Variants in CCDC186 observed in about 807,000 individuals in gnomAD.
CCDC186 encodes the protein coiled-coil domain-containing protein 186.
In CCDC186, 49 loss-of-function variants were observed where a neutral mutation model predicts 113.7. That is an observed-to-expected ratio of 0.43 (90% CI 0.34 to 0.55). The LOEUF is 0.55. Among genes scored for constraint, CCDC186 ranks in the 20% least tolerant of loss-of-function variants. The pLI is 0.02. For missense variants in CCDC186, 890 were observed against 1,011.1 expected, an observed-to-expected ratio of 0.88 and a Z score of 1.62; for synonymous variants, 355 against 345.8, an observed-to-expected ratio of 1.03 and a Z score of -0.30.
intron 1 of CCDC186, 65 bp from the exon 2 acceptor site, chr10:114,163,394 C>T: frequency 7.7e-7 from 1 of 1,304,390 alleles, no homozygotes; most frequent in Non-Finnish European, 1.0e-6. Flanking sequence ...AACTTGCACA[C>T]ACTCTGTGAT....
intron 7 of CCDC186, 63 bp from the exon 8 acceptor site, chr10:114,136,309 ATACT>A (rs2031260093): frequency 8.8e-6 from 10 of 1,136,946 alleles, no homozygotes; most frequent in African/African-American, 3.1e-5. Context: ...TGCCCTGAGA[ATACT>A]CGTCTCTAAT....
intron 13 of CCDC186, 88 bp downstream of exon 13, chr10:114,129,803 T>A (rs1388102084): frequency 2.6e-6 from 3 of 1,141,476 alleles, no homozygotes; most frequent in Non-Finnish European, 3.9e-6. Flanking sequence ...GTGCTGGGAT[T>A]ACAGGTGTGA....
At chr10:114,170,647 G>A (rs2032466185) in intron 1 of CCDC186, among the ~76,000 whole-genome samples, 1 of 152,140 alleles carries the variant, frequency 6.6e-6, no homozygotes, top group East Asian at 1.9e-4. Context: ...AATATACTGA[G>A]TTTAAGTGAA....
chr10:114,148,193 C>A (rs181765385), intron 4 of CCDC186, among the ~76,000 whole-genome samples: 1 of 152,112 alleles, frequency 6.6e-6, no homozygotes, highest in African/African-American at 2.4e-5. Context: ...CACCAGATAA[C>A]GGCTCTGTTA....
intron 4 of CCDC186, among the ~76,000 whole-genome samples, chr10:114,149,139 A>T (rs905463142): frequency 6.6e-6 from 1 of 152,174 alleles, no homozygotes; most frequent in African/African-American, 2.4e-5. Flanking sequence ...AATAATATCC[A>T]CTTCTTAGGG....
intron 10 of CCDC186, among the ~76,000 whole-genome samples, chr10:114,133,668 T>C (rs1425027582): frequency 6.6e-6 from 1 of 152,170 alleles, no homozygotes; most frequent in East Asian, 1.9e-4. Context: ...GAAAGACAAC[T>C]GAATTCGACA....
chr10:114,140,443 G>A (rs1264732387), intron 6 of CCDC186, among the ~76,000 whole-genome samples: 2 of 152,220 alleles, frequency 1.3e-5, no homozygotes, highest in African/African-American at 4.8e-5. Flanking sequence ...AGCAATGGAG[G>A]AAAGGGTACA....
At chr10:114,158,174 G>A (rs1347239590) in intron 2 of CCDC186, among the ~76,000 whole-genome samples, 1 of 152,146 alleles carries the variant, frequency 6.6e-6, no homozygotes, top group Admixed American at 6.6e-5. Context: ...CAACAACAAA[G>A]AATCTGGCCC....
chr10:114,171,894 G>A (rs1311003262), intron 1 of CCDC186, among the ~76,000 whole-genome samples: 1 of 152,138 alleles, frequency 6.6e-6, no homozygotes, highest in Non-Finnish European at 1.5e-5. Context: ...CTTCATCTCA[G>A]TATTTTTCCT....
intron 6 of CCDC186, among the ~76,000 whole-genome samples, chr10:114,140,478 T>G (rs1564909302): frequency 6.6e-6 from 1 of 152,218 alleles, no homozygotes; most frequent in Admixed American, 6.5e-5. Context: ...TTAGACATGT[T>G]AAGTTTAAGA....
chr10:114,170,266 A>G (rs1002742907), intron 1 of CCDC186, among the ~76,000 whole-genome samples: 7 of 152,210 alleles, frequency 4.6e-5, no homozygotes, highest in Non-Finnish European at 7.3e-5. Flanking sequence ...TAAGTTCTAC[A>G]AAAAGAAATA....
At chr10:114,139,672 A>C (rs1455860283) in intron 6 of CCDC186, among the ~76,000 whole-genome samples, 1 of 152,162 alleles carries the variant, frequency 6.6e-6, no homozygotes, top group Non-Finnish European at 1.5e-5. Context: ...TTCAGTTGCT[A>C]GTTTTTAATA....
At position 114,125,003 on chromosome 10, in the gene CCDC186, G is replaced by A; in HGVS notation, c.*140C>T. On this transcript the variant is annotated 3_prime_UTR_variant, in exon 16 of 16. Coordinates refer to ENST00000369287, the MANE Select transcript of CCDC186 (RefSeq NM_018017.4). The stretch of plus-strand genomic sequence containing the variant: ...CAGCAATGCATTCATATTGTAAAAG[G>A]GTATTTTTTTGTGTACAGATGAAGC... 1.7e-6 allele frequency: 1 copy of A among 597,248 alleles called. No individual in the cohort carries two copies. The highest frequency in any genetic ancestry group is 2.9e-6 in the Non-Finnish European group (1 of 341,674). 37.0% of individuals were successfully genotyped at this position (597,248 alleles called of 1,614,324 possible). A position where few individuals can be genotyped will look rare whatever the true frequency, so the allele number is the denominator to read the frequency against.
At position 114,144,759 on chromosome 10, in the gene CCDC186, A is replaced by G. The variant is rs532485056; in HGVS notation, c.1102-143T>C. On this transcript the variant is annotated intron_variant, in intron 5 of 15. Transcript: ENST00000369287. The stretch of plus-strand genomic sequence containing the variant: ...AGCCCACAGACTATAAAACTTATTT[A>G]AAGTCCAAATGAGAAGAGGGTAGTA... 144 of 640,880 alleles carry G rather than the reference A, an allele frequency of 2.2e-4. 1 individual carries two copies. In the African/African-American group the frequency reaches 2.4e-3, roughly 11 times the overall value. The allele number at this position is 640,880 out of a possible 1,614,324, so 39.7% of individuals were successfully genotyped here. A position where few individuals can be genotyped will look rare whatever the true frequency, so the allele number is the denominator to read the frequency against.
At chr10:114,140,316 G>GA (rs1293418717) in intron 6 of CCDC186, among the ~76,000 whole-genome samples, 1 of 152,190 alleles carries the variant, frequency 6.6e-6, no homozygotes, top group Non-Finnish European at 1.5e-5. Flanking sequence ...ACATGAGCAA[G>GA]AAGATCTGCT....
At chr10:114,165,799 G>A in intron 1 of CCDC186, 1 of 735,578 alleles carries the variant, frequency 1.4e-6, no homozygotes, top group South Asian at 6.1e-5. Context: ...AGTGGGCCAA[G>A]ATCGTGCCAT....
chr10:114,142,131 A>G (rs2031489148), intron 6 of CCDC186, among the ~76,000 whole-genome samples: 2 of 152,232 alleles, frequency 1.3e-5, no homozygotes, highest in South Asian at 2.1e-4. Flanking sequence ...CTGAGTAAAC[A>G]AACCATTTAA....
At chr10:114,149,762 A>AGGAAGGC (rs2031778283) in intron 4 of CCDC186, among the ~76,000 whole-genome samples, 1 of 15,696 alleles carries the variant, frequency 6.4e-5, no homozygotes, top group Non-Finnish European at 1.6e-4. Flanking sequence ...GGCAGGAAGG[A>AGGAAGGC]AGGAAGGAAG....
chr10:114,137,366 AG>A (rs2031298370), intron 6 of CCDC186, 76 bp from the exon 7 acceptor site: 1 of 971,380 alleles, frequency 1.0e-6, no homozygotes, highest in African/African-American at 1.6e-5. Flanking sequence ...GCAAGTAGGA[AG>A]GTTCTTGTCC....
Sources: allele counts gnomAD v4.1 joint callset (sites outside exome capture counted in the v4.1 genomes callset), GRCh38; gene constraint gnomAD v4.1.1; transcripts MANE v1.5; gene names NCBI Gene and HGNC (gene_info 2026-07-23, HGNC 2026-07-21).